C5orf22: variants seen among roughly 807,000 people sequenced by gnomAD.
C5orf22 encodes chromosome 5 open reading frame 22.
C5orf22 carries 36 observed loss-of-function variants against 48.7 expected under a neutral mutation model. The observed-to-expected ratio is 0.74, with a 90% CI of 0.57 to 0.98. The LOEUF is 0.98. Ranked by LOEUF, C5orf22 falls within the 50% of genes least tolerant of loss-of-function variation. The pLI, the probability that C5orf22 is intolerant of heterozygous loss-of-function variation, is 0.00. For synonymous variants in C5orf22, 141 were observed against 180.8 expected (o/e 0.78, Z 1.76); for missense variants, 486 against 521.9 (o/e 0.93, Z 0.67).
intron 4 of C5orf22, 124 bp downstream of exon 4, chr5:31,538,813 C>T (rs1742273630): frequency 1.4e-6 from 1 of 690,334 alleles, no homozygotes; most frequent in South Asian, 2.0e-5. Flanking sequence ...TTCACATTCT[C>T]TACTAATACC....
At chr5:31,550,250 G>A (rs1743167681) in intron 7 of C5orf22, among the ~76,000 whole-genome samples, 1 of 152,180 alleles carries the variant, frequency 6.6e-6, no homozygotes, top group South Asian at 2.1e-4. Flanking sequence ...CTATGACATA[G>A]TTAAGTTCCA....
rs141326993 is a variant in C5orf22, at chr5:31,534,263, C to G, written c.82-9C>G. ...GTTAATTCTTATTGTGTGCCTGTGT[C>G]TTTTACAGGTTCTACCCTTTATATA... On this transcript the variant is annotated splice_polypyrimidine_tract_variant and intron_variant, in intron 1 of 8. Coordinates refer to ENST00000325366, the MANE Select transcript of C5orf22 (RefSeq NM_018356.3). The G allele has an allele frequency of 1.0e-5, 16 of 1,604,974 alleles. No homozygotes were observed. Among genetic ancestry groups the G allele is most frequent in the Non-Finnish European group, 1.3e-5 (15 of 1,176,920 alleles).
intron 6 of C5orf22, among the ~76,000 whole-genome samples, chr5:31,542,447 C>A (rs1416093663): frequency 1.7e-5 from 2 of 117,946 alleles, no homozygotes; most frequent in East Asian, 4.7e-4. Context: ...GGAGACTGGA[C>A]TTTTTCTGAG....
rs1216673787 is a variant in C5orf22, at chr5:31,550,076, CTAAA to C, written c.1060-1214_1060-1211del. Among the ~76,000 whole-genome samples the C allele has an allele frequency of 2.0e-5, 3 of 152,202 alleles. No homozygotes were observed. In the East Asian group the frequency reaches 5.8e-4, roughly 29 times the overall value. On this transcript the variant is annotated intron_variant, in intron 7 of 8. Coordinates refer to ENST00000325366, the MANE Select transcript of C5orf22 (RefSeq NM_018356.3). ...GCCCTACAGCTGCAGAGATAGAACG[CTAAA>C]TAGTTTTATCATTTTGGCAAAATGA...
chr5:31,532,534 C>A, intron 1 of C5orf22, 61 bp downstream of exon 1: 1 of 1,413,056 alleles, frequency 7.1e-7, no homozygotes, highest in Non-Finnish European at 9.9e-7. Flanking sequence ...GCTCAGAGGG[C>A]CAAGCAGAGG....
At position 31,544,985 on chromosome 5, in the gene C5orf22, T is replaced by C. The variant is rs976439986; in HGVS notation, c.993-661T>C. Among the ~76,000 whole-genome samples, 63 of 152,192 alleles carry C rather than the reference T, an allele frequency of 4.1e-4. 1 individual carries two copies. The highest frequency in any genetic ancestry group is 1.3e-3 in the African/African-American group (55 of 41,540). ...TAAACGTGTCCTTAATTTTTTTTTTTTTTTTTTAGCTTTCAGGAAACAGCC... is the reference window on the plus strand; with the variant it reads ...TAAACGTGTCCTTAATTTTTTTTTTCTTTTTTTAGCTTTCAGGAAACAGCC... On this transcript the variant is annotated intron_variant, in intron 6 of 8. Transcript: ENST00000325366.
At chr5:31,548,161 G>A (rs1023627814) in intron 7 of C5orf22, among the ~76,000 whole-genome samples, 3 of 152,052 alleles carry the variant, frequency 2.0e-5, no homozygotes, top group African/African-American at 7.3e-5. Flanking sequence ...ACTTAGCTGG[G>A]TGTGGCAGTG....
Position 31,554,812 on chromosome 5 carries a change from G to A in C5orf22, c.*1910G>A, listed in dbSNP as rs540647337. The A allele has an allele frequency of 6.6e-6, 1 of 152,200 alleles. No individual in the cohort carries two copies. The highest frequency in any genetic ancestry group is 6.5e-5 in the Admixed American group (1 of 15,280). The allele number at this position is 152,200 out of a possible 1,614,324, so 9.4% of individuals were successfully genotyped here. A position where few individuals can be genotyped will look rare whatever the true frequency, so the allele number is the denominator to read the frequency against. On this transcript the variant is annotated 3_prime_UTR_variant, in exon 9 of 9. Transcript: ENST00000325366. ...ATAAAAGCATCCATTTCTTTTATAG[G>A]AAGGTTTGTTTAATTCTCATGTTCT...
In C5orf22 at chr5:31,538,672, A is replaced by G. The variant is rs1742264921; in HGVS notation, c.790A>G (p.Lys264Glu). The stretch of plus-strand genomic sequence containing the variant: ...TTTTTTTTCAGTCAAGAATCCCTTC[A>G]AAGAAATGTTCACTCAGGTAAATAA... The part of the protein sequence containing the change: ...LDFFSVKNPF[K>E]EMFTQEEYKI... Residue 264 changes from lysine (K) to glutamate (E), a missense_variant, in exon 4 of 9, where the codon AAA becomes GAA. Transcript: ENST00000325366. The G allele has an allele frequency of 6.2e-7, 1 of 1,611,068 alleles. No homozygotes were observed. The highest frequency in any genetic ancestry group is 2.2e-5 in the East Asian group (1 of 44,842).
intron 6 of C5orf22, among the ~76,000 whole-genome samples, chr5:31,541,610 A>G (rs1011725284): frequency 4.6e-5 from 7 of 152,146 alleles, no homozygotes; most frequent in Non-Finnish European, 1.0e-4. Flanking sequence ...TTTTTTAATT[A>G]GCCAGATATG....
At chr5:31,535,194 G>A (rs1378014994) in intron 2 of C5orf22, 1 of 336,700 alleles carries the variant, frequency 3.0e-6, no homozygotes, top group Non-Finnish European at 5.8e-6. Flanking sequence ...AGTATCAAGT[G>A]TGAATAACCA....
At chr5:31,538,952 A>C (rs2150073490) in intron 4 of C5orf22, among the ~76,000 whole-genome samples, 1 of 152,300 alleles carries the variant, frequency 6.6e-6, no homozygotes, top group South Asian at 2.1e-4. Context: ...TTTTGCATTT[A>C]TTAATTGGGG....
chr5:31,539,931 G>A (rs1742347928), intron 4 of C5orf22, among the ~76,000 whole-genome samples: 1 of 151,844 alleles, frequency 6.6e-6, no homozygotes. Flanking sequence ...ACGTGCCTGT[G>A]GTCCAGCTAC....
intron 1 of C5orf22, 130 bp from the exon 2 acceptor site, chr5:31,534,142 T>C (rs754710898): frequency 7.4e-6 from 6 of 809,778 alleles, no homozygotes; most frequent in Non-Finnish European, 1.2e-5. Context: ...AATTTTATGT[T>C]TTTCCACTTT....
At chr5:31,535,939 A>G (rs748816436) in intron 3 of C5orf22, 46 bp downstream of exon 3, 11 of 1,582,548 alleles carry the variant, frequency 7.0e-6, no homozygotes, top group South Asian at 1.1e-5. Context: ...GAATGTTTCT[A>G]TCTTATTTTG....
Position 31,532,312 on chromosome 5 carries a change from G to C in C5orf22, c.-81G>C. Reference sequence around the variant, plus strand: ...GAGGGAGCGCTTCCGCCCGGAGAGAGCTGGCCGGGATGAGGCGCCGGCTTT... The same window carrying C: ...GAGGGAGCGCTTCCGCCCGGAGAGACCTGGCCGGGATGAGGCGCCGGCTTT... On this transcript the variant is annotated 5_prime_UTR_variant, in exon 1 of 9. Coordinates refer to ENST00000325366, the MANE Select transcript of C5orf22 (RefSeq NM_018356.3). 7.0e-7 allele frequency: 1 copy of C among 1,436,384 alleles called. No homozygotes were observed. Among genetic ancestry groups the C allele is most frequent in the Non-Finnish European group, 9.8e-7 (1 of 1,021,150 alleles). The allele number at this position is 1,436,384 out of a possible 1,614,324, so 89.0% of individuals were successfully genotyped here. A position where few individuals can be genotyped will look rare whatever the true frequency, so the allele number is the denominator to read the frequency against.
chr5:31,538,248 C>G lies in C5orf22; in HGVS notation c.378-12C>G. ...CCATTCTTCTTAAAAATCGTTTTTT[C>G]CTCTGATTCAGGGTTACAAGTACAG... On this transcript the variant is annotated splice_polypyrimidine_tract_variant and intron_variant, in intron 3 of 8. Coordinates refer to ENST00000325366, the MANE Select transcript of C5orf22 (RefSeq NM_018356.3). 1.3e-6 allele frequency: 2 copies of G among 1,548,880 alleles called. No individual in the cohort carries two copies.
Position 31,552,864 on chromosome 5 carries a change from G to A in C5orf22, c.1291G>A (p.Asp431Asn), listed in dbSNP as rs778863650. ...GCTACGTGCCCTCTATGGAAATCTAGACCTCCAAGTGTATGCAGCAGAGTC... is the reference window on the plus strand; with the variant it reads ...GCTACGTGCCCTCTATGGAAATCTAAACCTCCAAGTGTATGCAGCAGAGTC... ...NMLRALYGNL[D>N]LQVYAAESPP... Residue 431 changes from aspartate (D) to asparagine (N), a missense_variant, in exon 9 of 9, where the codon GAC (aspartate) becomes AAC (asparagine). Transcript: ENST00000325366. 2.5e-6 allele frequency: 4 copies of A among 1,613,736 alleles called. No individual in the cohort carries two copies. The Admixed American group carries it at 5.0e-5, about 20-fold the overall frequency.
chr5:31,538,730 T>C (rs1300835970), intron 4 of C5orf22, 41 bp downstream of exon 4: 4 of 1,455,692 alleles, frequency 2.7e-6, no homozygotes, highest in Non-Finnish European at 3.8e-6. Context: ...TTGAGAATTG[T>C]ATGGCTTTTC....
Sources: allele counts gnomAD v4.1 joint callset (sites outside exome capture counted in the v4.1 genomes callset), GRCh38; gene constraint gnomAD v4.1.1; transcripts MANE v1.5; gene names NCBI Gene and HGNC (gene_info 2026-07-23, HGNC 2026-07-21).